PRKCB: variants seen among roughly 807,000 people sequenced by gnomAD.
PRKCB encodes the protein protein kinase C beta type.
In PRKCB, 13 loss-of-function variants were observed where a neutral mutation model predicts 81.5. The ratio of observed to expected loss-of-function variants is 0.16; its 90% confidence interval spans 0.10 to 0.25. The LOEUF (loss-of-function observed/expected upper bound fraction) is 0.25. Among genes scored for constraint, PRKCB ranks in the 10% least tolerant of loss-of-function variants. The pLI, the probability that PRKCB is intolerant of heterozygous loss-of-function variation, is 1.00. For synonymous variants in PRKCB, 335 were observed against 321.4 expected (o/e 1.04, Z -0.45); for missense variants, 509 against 875.7 (o/e 0.58, Z 5.29).
At chr16:23,931,790 CT>C (rs1388264878) in intron 2 of PRKCB, among the ~76,000 whole-genome samples, 2 of 152,152 alleles carry the variant, frequency 1.3e-5, no homozygotes, top group Non-Finnish European at 2.9e-5. Context: ...TGTATAGATC[CT>C]TTTAGGATGA....
intron 2 of PRKCB, among the ~76,000 whole-genome samples, chr16:23,926,839 A>T (rs1415236864): frequency 1.3e-5 from 2 of 152,078 alleles, no homozygotes; most frequent in Non-Finnish European, 2.9e-5. Context: ...CAGGTAAAAG[A>T]TCTCAGTCTA....
chr16:24,200,445 T>C (rs1453994610), intron 16 of PRKCB, among the ~76,000 whole-genome samples: 1 of 152,234 alleles, frequency 6.6e-6, no homozygotes, highest in African/African-American at 2.4e-5. Context: ...TGGTTGGAAT[T>C]GTCAGGTTCC....
At chr16:24,195,163 T>C (rs1967859801) in intron 16 of PRKCB, among the ~76,000 whole-genome samples, 1 of 150,334 alleles carries the variant, frequency 6.7e-6, no homozygotes, top group Admixed American at 6.6e-5. Flanking sequence ...ATCATGCCAC[T>C]GCACTCTAGC....
At chr16:23,934,756 T>G (rs1052268167) in intron 2 of PRKCB, among the ~76,000 whole-genome samples, 3 of 152,022 alleles carry the variant, frequency 2.0e-5, no homozygotes, top group Non-Finnish European at 4.4e-5. Context: ...TTTGCGCACA[T>G]GGAGAGAGGA....
chr16:24,014,148 C>G (rs2141839513), intron 3 of PRKCB, among the ~76,000 whole-genome samples: 1 of 152,296 alleles, frequency 6.6e-6, no homozygotes, highest in Non-Finnish European at 1.5e-5. Flanking sequence ...GGAAACCAAG[C>G]TGGCAGCGGC....
intron 7 of PRKCB, among the ~76,000 whole-genome samples, chr16:24,108,893 C>T (rs1291777794): frequency 2.6e-5 from 4 of 151,500 alleles, no homozygotes; most frequent in South Asian, 2.1e-4. Context: ...GGGTGGTGGC[C>T]GGGCAGAGGG....
intron 2 of PRKCB, among the ~76,000 whole-genome samples, chr16:23,876,673 C>G (rs555664099): frequency 6.6e-6 from 1 of 152,154 alleles, no homozygotes; most frequent in African/African-American, 2.4e-5. Context: ...GGTGATCTCA[C>G]TGGTGAGATC....
At chr16:23,911,676 T>C (rs1207791563) in intron 2 of PRKCB, among the ~76,000 whole-genome samples, 1 of 152,132 alleles carries the variant, frequency 6.6e-6, no homozygotes, top group Non-Finnish European at 1.5e-5. Flanking sequence ...ACCTCCTCCA[T>C]CAACTGTTTC....
intron 16 of PRKCB, among the ~76,000 whole-genome samples, chr16:24,195,805 T>C (rs906395808): frequency 5.3e-5 from 8 of 152,222 alleles, no homozygotes; most frequent in Admixed American, 1.3e-4. Context: ...GGTCTTCCAG[T>C]GCTAGATCTC....
At chr16:24,003,282 C>A (rs1196865830) in intron 3 of PRKCB, among the ~76,000 whole-genome samples, 1 of 152,044 alleles carries the variant, frequency 6.6e-6, no homozygotes, top group Non-Finnish European at 1.5e-5. Flanking sequence ...TGTCTTGCCT[C>A]ATTTGCTCCT....
intron 3 of PRKCB, among the ~76,000 whole-genome samples, chr16:24,028,794 T>A: frequency 6.6e-6 from 1 of 151,844 alleles, no homozygotes; most frequent in East Asian, 1.9e-4. Flanking sequence ...CATGTATGGA[T>A]ATGGTTGTTG....
intron 2 of PRKCB, among the ~76,000 whole-genome samples, chr16:23,904,110 A>G (rs1963523105): frequency 6.6e-6 from 1 of 152,146 alleles, no homozygotes. Context: ...CATGAGCTAT[A>G]AGGGCCACGA....
chr16:24,159,643 C>T (rs1230477585), intron 10 of PRKCB, among the ~76,000 whole-genome samples: 2 of 152,190 alleles, frequency 1.3e-5, no homozygotes, highest in Admixed American at 6.5e-5. Context: ...AACCCGGAAG[C>T]CTTTGCTAAC....
chr16:23,916,273 G>T (rs971748445), intron 2 of PRKCB, among the ~76,000 whole-genome samples: 2 of 140,516 alleles, frequency 1.4e-5, no homozygotes, highest in Non-Finnish European at 3.0e-5. Flanking sequence ...AGCCCAGGCT[G>T]GTCTTGAACT....
At chr16:24,085,455 G>A (rs188005468) in intron 5 of PRKCB, among the ~76,000 whole-genome samples, 108 of 152,322 alleles carry the variant, frequency 7.1e-4, no homozygotes, top group Non-Finnish European at 1.2e-3. Context: ...CATTTGTTGA[G>A]CCTCTGCCAT....
At chr16:24,066,075 C>CTGTGTGTGTGTGTGTGTG (rs58216806) in intron 5 of PRKCB, among the ~76,000 whole-genome samples, 5 of 139,574 alleles carry the variant, frequency 3.6e-5, no homozygotes, top group African/African-American at 5.3e-5. Context: ...TGTGATGTTC[C>CTGTGTGTGTGTGTGTGTG]TGTGTGTGTG....
intron 2 of PRKCB, among the ~76,000 whole-genome samples, chr16:23,914,443 C>T (rs1221490309): frequency 6.6e-6 from 1 of 152,168 alleles, no homozygotes; most frequent in African/African-American, 2.4e-5. Context: ...CTTGAAACTC[C>T]ACCCTGAATT....
intron 2 of PRKCB, among the ~76,000 whole-genome samples, chr16:23,926,352 C>T (rs1318518885): frequency 1.3e-5 from 2 of 151,500 alleles, no homozygotes; most frequent in East Asian, 1.9e-4. Flanking sequence ...GGCATGATGG[C>T]GGGTGCCTGT....
At chr16:24,113,317 T>C (rs1389167549) in intron 8 of PRKCB, among the ~76,000 whole-genome samples, 1 of 150,242 alleles carries the variant, frequency 6.7e-6, no homozygotes, top group Non-Finnish European at 1.5e-5. Context: ...TTCCTTTCTG[T>C]CTTGCTTTCT....
Sources: gnomAD v4.1 joint callset for allele counts (sites outside exome capture counted in the v4.1 genomes callset) on GRCh38, gnomAD v4.1.1 for gene constraint, MANE v1.5 for transcripts, NCBI Gene and HGNC (gene_info 2026-07-23, HGNC 2026-07-21) for gene names.